Variants in CEP63 observed in about 807,000 individuals in gnomAD.
The protein encoded by CEP63 is centrosomal protein of 63 kDa.
CEP63 carries 84 observed loss-of-function variants against 89.1 expected under a neutral mutation model. The ratio of observed to expected loss-of-function variants is 0.94; its 90% CI spans 0.79 to 1.13. CEP63 has a LOEUF of 1.13. Ranked by LOEUF, CEP63 falls within the 50% of genes most tolerant of loss-of-function variation. The pLI is 0.00. For missense variants in CEP63, 838 were observed against 813.3 expected, an observed-to-expected ratio of 1.03 and a Z score of -0.37; for synonymous variants, 267 against 272.5, an observed-to-expected ratio of 0.98 and a Z score of 0.20.
chr3:134,726,852 A>G, the CEP63 span, among the ~76,000 whole-genome samples: 7 of 152,270 alleles, frequency 4.6e-5, no homozygotes, highest in African/African-American at 1.7e-4. Flanking sequence ...TAGCACAGGG[A>G]ACTGCCGGCC....
At chr3:134,747,497 G>A in the CEP63 span, among the ~76,000 whole-genome samples, 1 of 152,154 alleles carries the variant, frequency 6.6e-6, no homozygotes, top group Non-Finnish European at 1.5e-5. Context: ...AGATTTGGCA[G>A]GTGTGTTTAG....
At position 134,561,768 on chromosome 3, in the gene CEP63, C is replaced by G. The variant is rs1476000757; in HGVS notation, c.*233C>G. ...TGAAAGAATAAACCACTTTGCTAGACTTTTTTCTCATACGAATATTTATTA... is the reference window on the plus strand; with the variant it reads ...TGAAAGAATAAACCACTTTGCTAGAGTTTTTTCTCATACGAATATTTATTA... On this transcript the variant is annotated 3_prime_UTR_variant, in exon 15 of 15. Coordinates refer to ENST00000675561, the MANE Select transcript of CEP63 (RefSeq NM_001353108.3). The G allele has an allele frequency of 3.0e-6, 4 of 1,335,106 alleles. No individual in the cohort carries two copies. Among genetic ancestry groups the G allele is most frequent in the African/African-American group, 1.5e-5 (1 of 67,812 alleles). The allele number at this position is 1,335,106 out of a possible 1,614,324, so 82.7% of individuals were successfully genotyped here. A position where few individuals can be genotyped will look rare whatever the true frequency, so the allele number is the denominator to read the frequency against.
At chr3:134,580,477 C>G (rs1056663514) in intron 10 of CEP63, among the ~76,000 whole-genome samples, 1 of 141,084 alleles carries the variant, frequency 7.1e-6, no homozygotes, top group Non-Finnish European at 1.6e-5. Flanking sequence ...AAAACAAACA[C>G]ACAGACAAAC....
chr3:134,619,329 A>G, the CEP63 span: 1 of 1,242,302 alleles, frequency 8.0e-7, no homozygotes, highest in Non-Finnish European at 1.2e-6. Flanking sequence ...CTCCACCCCA[A>G]CCCCCAGCTG....
At chr3:134,677,131 G>C in the CEP63 span, among the ~76,000 whole-genome samples, 1 of 151,990 alleles carries the variant, frequency 6.6e-6, no homozygotes, top group African/African-American at 2.4e-5. Context: ...CAGCTACTGA[G>C]GAAGCTGAGG....
At chr3:134,619,043 T>TA in the CEP63 span, 1 of 907,388 alleles carries the variant, frequency 1.1e-6, no homozygotes, top group Non-Finnish European at 1.8e-6. Flanking sequence ...GCAGAGTTTG[T>TA]AAACTCAGGT....
At chr3:134,721,557 A>C in the CEP63 span, among the ~76,000 whole-genome samples, 8 of 152,082 alleles carry the variant, frequency 5.3e-5, no homozygotes, top group Non-Finnish European at 7.4e-5. Context: ...TCTTTGAGGG[A>C]ATGTTTTCAG....
chr3:134,507,877 T>C (rs1258063697), intron 3 of CEP63, among the ~76,000 whole-genome samples: 1 of 152,226 alleles, frequency 6.6e-6, no homozygotes, highest in Non-Finnish European at 1.5e-5. Context: ...ATTTAGCTGG[T>C]AAATTAGGAG....
chr3:134,732,138 G>A, the CEP63 span, among the ~76,000 whole-genome samples: 2 of 152,102 alleles, frequency 1.3e-5, no homozygotes. Context: ...CAAGATATTC[G>A]ATTCCTCTCA....
chr3:134,503,320 G>A (rs910552191), intron 2 of CEP63, among the ~76,000 whole-genome samples: 26 of 151,842 alleles, frequency 1.7e-4, no homozygotes, highest in Admixed American at 3.9e-4. Flanking sequence ...TATTTGTGCA[G>A]TTTCCAAAGT....
intron 2 of CEP63, among the ~76,000 whole-genome samples, chr3:134,497,383 T>G (rs1021519287): frequency 6.6e-6 from 1 of 152,152 alleles, no homozygotes; most frequent in African/African-American, 2.4e-5. Flanking sequence ...TCTTTTTGTT[T>G]TTTTAGAGAC....
At chr3:134,616,097 C>T in the CEP63 span, among the ~76,000 whole-genome samples, 9 of 152,174 alleles carry the variant, frequency 5.9e-5, no homozygotes, top group African/African-American at 2.2e-4. Context: ...AAGCTTGGCT[C>T]CTGCGAGGAA....
At chr3:134,628,898 A>G in the CEP63 span, among the ~76,000 whole-genome samples, 1 of 152,190 alleles carries the variant, frequency 6.6e-6, no homozygotes, top group Non-Finnish European at 1.5e-5. Context: ...CTGACTGCTG[A>G]TGACTACAGG....
the CEP63 span, among the ~76,000 whole-genome samples, chr3:134,772,414 G>C: frequency 2.0e-5 from 3 of 152,182 alleles, no homozygotes. Context: ...TTGGCTTGTG[G>C]ACACCTTGTA....
intron 10 of CEP63, among the ~76,000 whole-genome samples, chr3:134,581,333 C>T (rs897910604): frequency 6.6e-6 from 1 of 152,148 alleles, no homozygotes. Flanking sequence ...GTAATCCAAG[C>T]ACTTTGGGAG....
chr3:134,586,506 T>A (rs1263567789), intron 10 of CEP63, among the ~76,000 whole-genome samples: 1 of 152,226 alleles, frequency 6.6e-6, no homozygotes, highest in Non-Finnish European at 1.5e-5. Context: ...TCTTTAAGAA[T>A]GTTGAATATT....
chr3:134,711,186 G>A, the CEP63 span, among the ~76,000 whole-genome samples: 1 of 152,156 alleles, frequency 6.6e-6, no homozygotes, highest in Non-Finnish European at 1.5e-5. Context: ...CAACTAAACA[G>A]ATTACTGTTC....
At chr3:134,622,824 C>A in the CEP63 span, among the ~76,000 whole-genome samples, 1 of 152,126 alleles carries the variant, frequency 6.6e-6, no homozygotes, top group African/African-American at 2.4e-5. Context: ...TGCAATGGTG[C>A]CCACATTCCC....
the CEP63 span, among the ~76,000 whole-genome samples, chr3:134,758,685 C>T: frequency 6.6e-6 from 1 of 152,164 alleles, no homozygotes; most frequent in Non-Finnish European, 1.5e-5. Context: ...TGGCCCTGAT[C>T]TAAGATAGTC....
Sources: gnomAD v4.1 joint callset for allele counts (sites outside exome capture counted in the v4.1 genomes callset) on GRCh38, gnomAD v4.1.1 for gene constraint, MANE v1.5 for transcripts, NCBI Gene and HGNC (gene_info 2026-07-23, HGNC 2026-07-21) for gene names.